Variants in SLC36A1 observed in about 807,000 individuals in gnomAD.
SLC36A1 encodes the protein solute carrier family 36 member 1, also known as proton-coupled amino acid transporter 1.
A neutral mutation model predicts 47.5 loss-of-function variants in SLC36A1; 30 were observed. The observed-to-expected ratio is 0.63, with a 90% CI of 0.47 to 0.86. The LOEUF is 0.86. SLC36A1 is among the 40% of genes least tolerant of loss of function. The pLI is 0.00. For missense variants in SLC36A1, 517 were observed against 606.0 expected (o/e 0.85, Z 1.54); for synonymous variants, 255 against 249.7 (o/e 1.02, Z -0.20).
At chr5:151,486,384 C>A (rs1759548278) in intron 10 of SLC36A1, among the ~76,000 whole-genome samples, 1 of 152,094 alleles carries the variant, frequency 6.6e-6, no homozygotes, top group Non-Finnish European at 1.5e-5. Context: ...ACCATATTAC[C>A]TGGTAAGTCC....
chr5:151,416,309 A>G, the SLC36A1 span, among the ~76,000 whole-genome samples: 15 of 152,118 alleles, frequency 9.9e-5, 1 homozygote, highest in Non-Finnish European at 1.6e-4. Flanking sequence ...GAGCTGGATG[A>G]TCTCCACTGC....
the SLC36A1 span, among the ~76,000 whole-genome samples, chr5:151,363,665 T>C: frequency 6.6e-6 from 1 of 152,226 alleles, no homozygotes; most frequent in South Asian, 2.1e-4. Context: ...CTGCAGACCT[T>C]AATCTATAGT....
At chr5:151,438,481 A>T (rs10040880) in intron 1 of SLC36A1, among the ~76,000 whole-genome samples, 4 of 151,888 alleles carry the variant, frequency 2.6e-5, no homozygotes, top group African/African-American at 9.7e-5. Context: ...TTCATGGTAC[A>T]CCATTGGCCA....
the SLC36A1 span, among the ~76,000 whole-genome samples, chr5:151,352,351 C>T: frequency 2.6e-5 from 4 of 152,180 alleles, no homozygotes; most frequent in Admixed American, 2.6e-4. Context: ...GTCACCTTCC[C>T]AGTTCTTAGG....
chr5:151,528,309 T>A, the SLC36A1 span, among the ~76,000 whole-genome samples: 2 of 152,196 alleles, frequency 1.3e-5, no homozygotes, highest in African/African-American at 2.4e-5. Context: ...GACTTCAGCA[T>A]GCCATGGTTT....
At chr5:151,466,282 T>G (rs756589083) in intron 5 of SLC36A1, among the ~76,000 whole-genome samples, 1 of 152,206 alleles carries the variant, frequency 6.6e-6, no homozygotes. Flanking sequence ...GGACATAAAG[T>G]AAAAAGTGAA....
At chr5:151,495,547 G>A (rs182859619), downstream of SLC36A1, among the ~76,000 whole-genome samples, 6 of 152,200 alleles carry the variant, frequency 3.9e-5, no homozygotes, top group East Asian at 9.6e-4. Flanking sequence ...GTGTGTGTTT[G>A]TGTATAGCTG....
At chr5:151,553,264 T>C in the SLC36A1 span, 1 of 1,614,200 alleles carries the variant, frequency 6.2e-7, no homozygotes, top group East Asian at 2.2e-5. Context: ...TCCATGACCG[T>C]AAAGCTGTAG....
the SLC36A1 span, among the ~76,000 whole-genome samples, chr5:151,418,723 G>A: frequency 6.6e-6 from 1 of 152,298 alleles, no homozygotes; most frequent in Admixed American, 6.5e-5. Context: ...TTGGACTTAG[G>A]CTTTTGGGTT....
chr5:151,555,601 C>G, the SLC36A1 span, among the ~76,000 whole-genome samples: 1 of 151,842 alleles, frequency 6.6e-6, no homozygotes, highest in Non-Finnish European at 1.5e-5. Flanking sequence ...AACTCCTAAC[C>G]CCAAGTGATC....
chr5:151,517,693 T>G, the SLC36A1 span: 1 of 1,614,164 alleles, frequency 6.2e-7, no homozygotes, highest in Middle Eastern at 1.6e-4. Flanking sequence ...CAGATAGAAA[T>G]GGATGTGCCA....
chr5:151,380,396 A>C, the SLC36A1 span: 197 of 385,040 alleles, frequency 5.1e-4, no homozygotes, highest in Non-Finnish European at 5.7e-5. Flanking sequence ...AGGAAAAACA[A>C]GAGCGTGTGG....
At chr5:151,464,293 G>A (rs536633900) in intron 3 of SLC36A1, among the ~76,000 whole-genome samples, 9 of 152,208 alleles carry the variant, frequency 5.9e-5, no homozygotes, top group South Asian at 2.1e-4. Flanking sequence ...TCTTCTCCAC[G>A]TGACTAAATC....
chr5:151,381,010 C>A, the SLC36A1 span: 1 of 393,122 alleles, frequency 2.5e-6, no homozygotes, highest in Admixed American at 3.4e-5. Flanking sequence ...GGCTGACAGA[C>A]TATGCTCTCT....
chr5:151,411,708 T>C, the SLC36A1 span, among the ~76,000 whole-genome samples: 2 of 144,688 alleles, frequency 1.4e-5, no homozygotes, highest in East Asian at 4.7e-4. Context: ...CCCAGAATCT[T>C]TCTAATAGTC....
At chr5:151,421,419 T>G in the SLC36A1 span, among the ~76,000 whole-genome samples, 2,628 of 151,654 alleles carry the variant, frequency 0.017, 76 homozygotes, top group African/African-American at 0.061. Context: ...TTCTTGTATT[T>G]TTTTGTAGAG....
chr5:151,429,670 T>C, the SLC36A1 span, among the ~76,000 whole-genome samples: 2 of 152,168 alleles, frequency 1.3e-5, no homozygotes, highest in South Asian at 4.2e-4. Context: ...ACAACTAATA[T>C]AGGAATAGCA....
the SLC36A1 span, chr5:151,549,382 T>C: frequency 6.2e-7 from 1 of 1,614,116 alleles, no homozygotes; most frequent in South Asian, 1.1e-5. Flanking sequence ...CCGGGGGCTA[T>C]GGTGTCAGGA....
the SLC36A1 span, chr5:151,543,785 A>G: frequency 6.2e-7 from 1 of 1,614,216 alleles, no homozygotes. Flanking sequence ...TTGTAAGAAG[A>G]GTCCAGGTGC....
Sources: gnomAD v4.1 joint callset for allele counts (sites outside exome capture counted in the v4.1 genomes callset) on GRCh38, gnomAD v4.1.1 for gene constraint, MANE v1.5 for transcripts, NCBI Gene and HGNC (gene_info 2026-07-23, HGNC 2026-07-21) for gene names.